PCDHGB1: variants seen among roughly 807,000 people sequenced by gnomAD.
PCDHGB1 encodes protocadherin gamma-B1.
A neutral mutation model predicts 56.6 loss-of-function variants in PCDHGB1; 34 were observed. That is an observed-to-expected ratio of 0.60 (90% confidence interval 0.46 to 0.80). The LOEUF is 0.80. Among genes scored for constraint, PCDHGB1 ranks in the 30% least tolerant of loss-of-function variants. The pLI is 0.00. For missense variants in PCDHGB1, 1,278 were observed against 1,204.6 expected, an observed-to-expected ratio of 1.06 and a Z score of -0.90; for synonymous variants, 561 against 505.9, an observed-to-expected ratio of 1.11 and a Z score of -1.46.
chr5:141,404,083 G>A (rs761560113), intron 1 of PCDHGB1: 7 of 1,613,736 alleles, frequency 4.3e-6, no homozygotes, highest in Admixed American at 3.3e-5. Context: ...GAGACTCCGG[G>A]AAGAATGGTC....
intron 1 of PCDHGB1, chr5:141,366,233 A>T (rs1354193643): frequency 6.2e-7 from 1 of 1,613,792 alleles, no homozygotes; most frequent in Admixed American, 1.7e-5. Flanking sequence ...CCTGCTGGAC[A>T]GAGACGCGCT....
intron 1 of PCDHGB1, among the ~76,000 whole-genome samples, chr5:141,368,092 A>G (rs1319696119): frequency 6.6e-6 from 1 of 152,216 alleles, no homozygotes; most frequent in South Asian, 2.1e-4. Context: ...TTTGCTGAAG[A>G]TGATTTTCAG....
In PCDHGB1 at chr5:141,490,023, G is replaced by A. The variant is rs1306715385; in HGVS notation, c.2410-4784G>A. The A allele has an allele frequency of 1.2e-6, 2 of 1,614,134 alleles. No homozygotes were observed. Among genetic ancestry groups the A allele is most frequent in the Non-Finnish European group, 1.7e-6 (2 of 1,180,060 alleles). On this transcript the variant is annotated intron_variant, in intron 1 of 3. Transcript: ENST00000523390. This position sits in a 1 kb window ranked among gnomAD's most constrained non-coding sequence, Gnocchi z 5.4. ...AGAATGCACCCATTGGTACTCTGCT[G>A]CTCCGCCTCAATGCCACTGATCCAG... is the stretch of plus-strand genomic sequence containing the variant.
At chr5:141,361,861 G>C (rs1429521367) in intron 1 of PCDHGB1, 1 of 1,611,994 alleles carries the variant, frequency 6.2e-7, no homozygotes, top group Non-Finnish European at 8.5e-7. Context: ...CGCCCTCTTC[G>C]ATATGGTGCC....
chr5:141,356,825 T>G, intron 1 of PCDHGB1: 3 of 1,614,132 alleles, frequency 1.9e-6, no homozygotes, highest in Non-Finnish European at 1.7e-6. Context: ...GACCCTCCAC[T>G]CAGCAGCAAT....
At chr5:141,366,608 A>G (rs1387759369) in intron 1 of PCDHGB1, 1 of 1,614,110 alleles carries the variant, frequency 6.2e-7, no homozygotes, top group Non-Finnish European at 8.5e-7. Context: ...GGTCTCCCTC[A>G]CCGCGGACTC....
rs999687684 is a variant in PCDHGB1, at chr5:141,431,598, C to T, written c.2410-63209C>T. 1 of 1,614,192 alleles carries T rather than the reference C, an allele frequency of 6.2e-7. No homozygotes were observed. The highest frequency in any genetic ancestry group is 8.5e-7 in the Non-Finnish European group (1 of 1,180,046). ...GGAGTCAATGCGGAAGTGAGGTATT[C>T]CTTCCGGTATGTGGACGACAAGGCG... is the stretch of plus-strand genomic sequence containing the variant. On this transcript the variant is annotated intron_variant, in intron 1 of 3. Coordinates refer to ENST00000523390, the MANE Select transcript of PCDHGB1 (RefSeq NM_018922.3). This position sits in a 1 kb window ranked among gnomAD's most constrained non-coding sequence, Gnocchi z 4.8.
chr5:141,477,582 A>T lies in PCDHGB1; in HGVS notation c.2410-17225A>T, dbSNP rs567486170. The T allele has an allele frequency of 6.2e-7, 1 of 1,614,190 alleles. No individual in the cohort carries two copies. The highest frequency in any genetic ancestry group is 2.2e-5 in the East Asian group (1 of 44,888). ...GTCTGGGACCCCGACGCCCCGCAGA[A>T]TGCTCGGCTTTCTTTCTTTCTCTTG... On this transcript the variant is annotated intron_variant, in intron 1 of 3. Transcript: ENST00000523390. The surrounding 1 kb of genome is among the most constrained non-coding windows in gnomAD (Gnocchi z 4.9).
intron 1 of PCDHGB1, chr5:141,394,722 G>A (rs1483795023): frequency 2.5e-6 from 4 of 1,613,314 alleles, no homozygotes; most frequent in Admixed American, 3.3e-5. Flanking sequence ...GGACAGAGAT[G>A]CGCTCAAGCA....
intron 1 of PCDHGB1, chr5:141,374,635 C>A (rs759050511): frequency 3.7e-6 from 6 of 1,612,926 alleles, no homozygotes; most frequent in Non-Finnish European, 4.2e-6. Flanking sequence ...ACGTGCAAAG[C>A]GAAGCCCATG....
intron 1 of PCDHGB1, among the ~76,000 whole-genome samples, chr5:141,450,006 C>CTATTTTTTTTTT (rs70988802): frequency 7.5e-6 from 1 of 132,986 alleles, no homozygotes. Context: ...TGCCATGTCT[C>CTATTTTTTTTTT]TTTTTTTTTT....
intron 1 of PCDHGB1, chr5:141,423,436 C>A (rs2096740667): frequency 6.2e-7 from 1 of 1,613,782 alleles, no homozygotes; most frequent in Non-Finnish European, 8.5e-7. Context: ...GGCAGGTATG[C>A]CCACGTCACA....
chr5:141,491,034 T>A lies in PCDHGB1; in HGVS notation c.2410-3773T>A. On this transcript the variant is annotated intron_variant, in intron 1 of 3. Coordinates refer to ENST00000523390, the MANE Select transcript of PCDHGB1 (RefSeq NM_018922.3). This position sits in a 1 kb window ranked among gnomAD's most constrained non-coding sequence, Gnocchi z 6.9. ...CCAAGGTGACAGCCGTGGATGCTGA[T>A]GCAGGCCACAATGCGTGGCTCTCCT... 1 of 1,614,170 alleles carries A rather than the reference T, an allele frequency of 6.2e-7. No individual in the cohort carries two copies. Among genetic ancestry groups the A allele is most frequent in the African/African-American group, 1.3e-5 (1 of 75,074 alleles).
Position 141,388,164 on chromosome 5 carries a change from G to A in PCDHGB1, c.2409+35495G>A, listed in dbSNP as rs372819071. 487 of 1,478,548 alleles carry A rather than the reference G, an allele frequency of 3.3e-4. No homozygotes were observed. The highest frequency in any genetic ancestry group is 4.3e-4 in the Non-Finnish European group (458 of 1,069,378). 91.6% of individuals were successfully genotyped at this position (1,478,548 alleles called of 1,614,324 possible). A position where few individuals can be genotyped will look rare whatever the true frequency, so the allele number is the denominator to read the frequency against. On this transcript the variant is annotated intron_variant, in intron 1 of 3. Coordinates refer to ENST00000523390, the MANE Select transcript of PCDHGB1 (RefSeq NM_018922.3). ...TGTGAGCAGCAGGCTAGACAGGGAG[G>A]AGATATGCGGGAAGAAGCCAGCTTG...
rs750571929 is a variant in PCDHGB1 at position 141,357,479 on chromosome 5, C to T, written c.2409+4810C>T. ...ACCTATTCCCACGAGGTCTCCCTCA[C>T]CGCGGACTCGCGGAAGAGTCACCTG... On this transcript the variant is annotated intron_variant, in intron 1 of 3. Coordinates refer to ENST00000523390, the MANE Select transcript of PCDHGB1 (RefSeq NM_018922.3). The T allele has an allele frequency of 5.6e-6, 9 of 1,614,132 alleles. No homozygotes were observed. Among genetic ancestry groups the T allele is most frequent in the South Asian group, 1.1e-5 (1 of 91,094 alleles).
At position 141,476,645 on chromosome 5, in the gene PCDHGB1, A is replaced by G. The variant is rs150444699; in HGVS notation, c.2410-18162A>G. The G allele has an allele frequency of 1.2e-4, 199 of 1,614,128 alleles. No homozygotes were observed. Among genetic ancestry groups the G allele is most frequent in the Non-Finnish European group, 1.6e-4 (194 of 1,180,060 alleles). ...TTTACAAACCTATGAGCTGAGCCGA[A>G]ATGAATACTTTGCGCTTCGCGTGCA... On this transcript the variant is annotated intron_variant, in intron 1 of 3. Transcript: ENST00000523390. The surrounding 1 kb of genome is among the most constrained non-coding windows in gnomAD (Gnocchi z 7.6).
intron 1 of PCDHGB1, chr5:141,427,891 G>A (rs767506033): frequency 1.3e-6 from 2 of 1,566,658 alleles, no homozygotes; most frequent in South Asian, 2.2e-5. Context: ...CACGACCAGG[G>A]CTCGCCCGCG....
intron 2 of PCDHGB1, among the ~76,000 whole-genome samples, chr5:141,495,250 A>G (rs557893500): frequency 6.6e-6 from 1 of 152,188 alleles, no homozygotes; most frequent in Non-Finnish European, 1.5e-5. Context: ...CCTGGGGCTC[A>G]GGCAGAAAAG....
intron 1 of PCDHGB1, chr5:141,389,708 G>A: frequency 6.2e-7 from 1 of 1,612,610 alleles, no homozygotes; most frequent in South Asian, 1.1e-5. Context: ...ACGTGCTGCA[G>A]GCTAGCGAGC....
Sources: allele counts gnomAD v4.1 joint callset (sites outside exome capture counted in the v4.1 genomes callset), GRCh38; gene constraint gnomAD v4.1.1; non-coding constraint Gnocchi (gnomAD v3.1); transcripts MANE v1.5; gene names NCBI Gene and HGNC (gene_info 2026-07-23, HGNC 2026-07-21).